The following C1QTNF3 variants were observed in gnomAD, a reference collection of about 807,000 sequenced individuals.
C1QTNF3 encodes C1q and TNF related 3, also known as complement C1q tumor necrosis factor-related protein 3.
In C1QTNF3, 26 loss-of-function variants were observed where a neutral mutation model predicts 32.6. The ratio of observed to expected loss-of-function variants is 0.80; its 90% CI spans 0.58 to 1.11. The LOEUF is 1.11. Among genes scored for constraint, C1QTNF3 ranks in the 50% least tolerant of loss-of-function variants. C1QTNF3 has a pLI of 0.00. For synonymous variants in C1QTNF3, 155 were observed against 146.0 expected (o/e 1.06, Z -0.44); for missense variants, 362 against 398.2 (o/e 0.91, Z 0.77).
At chr5:34,202,129 A>G in the C1QTNF3 span, among the ~76,000 whole-genome samples, 1 of 152,156 alleles carries the variant, frequency 6.6e-6, no homozygotes, top group African/African-American at 2.4e-5. Context: ...TCTAAGCTGC[A>G]TTCATAAAGC....
the C1QTNF3 span, among the ~76,000 whole-genome samples, chr5:34,211,693 C>T: frequency 6.6e-6 from 1 of 151,866 alleles, no homozygotes; most frequent in Non-Finnish European, 1.5e-5. Context: ...TTTCCAATTT[C>T]ATCCATGTCC....
chr5:34,163,752 AAAT>A, the C1QTNF3 span, among the ~76,000 whole-genome samples: 1 of 152,144 alleles, frequency 6.6e-6, no homozygotes, highest in South Asian at 2.1e-4. Flanking sequence ...ATTCATTCTT[AAAT>A]ACTACCTAGT....
chr5:34,206,977 T>TAA, the C1QTNF3 span, among the ~76,000 whole-genome samples: 4 of 152,342 alleles, frequency 2.6e-5, no homozygotes, highest in African/African-American at 9.6e-5. Flanking sequence ...GTTCATGTCT[T>TAA]AAGAGTGTCC....
At chr5:34,194,933 GA>G in the C1QTNF3 span, among the ~76,000 whole-genome samples, 14 of 147,624 alleles carry the variant, frequency 9.5e-5, no homozygotes, top group Non-Finnish European at 1.6e-4. Context: ...ATAAGGACAA[GA>G]AAAAAGTCTT....
At chr5:34,238,708 A>G in the C1QTNF3 span, among the ~76,000 whole-genome samples, 1 of 152,112 alleles carries the variant, frequency 6.6e-6, no homozygotes, top group Non-Finnish European at 1.5e-5. Flanking sequence ...CAACTTGGAA[A>G]ATAGATTTGA....
At chr5:34,154,280 G>C in the C1QTNF3 span, among the ~76,000 whole-genome samples, 1 of 152,194 alleles carries the variant, frequency 6.6e-6, no homozygotes, top group South Asian at 2.1e-4. Flanking sequence ...ACTGAATCTG[G>C]GATGTACAAA....
chr5:34,175,641 C>T, the C1QTNF3 span: 3 of 529,948 alleles, frequency 5.7e-6, 1 homozygote, highest in Admixed American at 6.2e-5. Flanking sequence ...GACCTGACTC[C>T]TTTCCTACTT....
At chr5:34,034,767 T>C (rs1236482913) in intron 2 of C1QTNF3, among the ~76,000 whole-genome samples, 2 of 152,210 alleles carry the variant, frequency 1.3e-5, no homozygotes, top group African/African-American at 4.8e-5. Context: ...CCCTACATCA[T>C]TGCTCCTGCT....
At chr5:34,241,980 G>A in the C1QTNF3 span, among the ~76,000 whole-genome samples, 1 of 147,652 alleles carries the variant, frequency 6.8e-6, no homozygotes, top group Non-Finnish European at 1.5e-5. Flanking sequence ...AAGGAAGGAA[G>A]GAAGGAAGGA....
chr5:34,166,746 C>T, the C1QTNF3 span: 1 of 151,890 alleles, frequency 6.6e-6, no homozygotes. Context: ...TTATACTCCA[C>T]TACTGATACT....
the C1QTNF3 span, among the ~76,000 whole-genome samples, chr5:34,135,159 C>T: frequency 2.0e-5 from 3 of 152,210 alleles, no homozygotes; most frequent in East Asian, 1.9e-4. Context: ...AGGTCTTTTC[C>T]GCATCTGTTG....
chr5:34,031,818 C>CACAAA (rs376178461), intron 3 of C1QTNF3, among the ~76,000 whole-genome samples: 1 of 152,128 alleles, frequency 6.6e-6, no homozygotes, highest in Non-Finnish European at 1.5e-5. Flanking sequence ...TGCACACACA[C>CACAAA]ACAAAACAAA....
chr5:34,207,844 G>A, the C1QTNF3 span, among the ~76,000 whole-genome samples: 5 of 151,454 alleles, frequency 3.3e-5, no homozygotes, highest in Non-Finnish European at 7.4e-5. Flanking sequence ...CTGGAGTGCA[G>A]TGGCGGGATC....
chr5:34,221,090 G>C, the C1QTNF3 span, among the ~76,000 whole-genome samples: 12 of 152,192 alleles, frequency 7.9e-5, no homozygotes, highest in Middle Eastern at 3.4e-3. Flanking sequence ...TGTGTCCATA[G>C]CAAAATGTTT....
the C1QTNF3 span, among the ~76,000 whole-genome samples, chr5:34,238,665 T>G: frequency 6.6e-6 from 1 of 151,938 alleles, no homozygotes; most frequent in Non-Finnish European, 1.5e-5. Flanking sequence ...TACGACTCAT[T>G]GTCATTCCTA....
At chr5:34,029,698 G>C (rs372018234) in intron 3 of C1QTNF3, among the ~76,000 whole-genome samples, 2 of 152,210 alleles carry the variant, frequency 1.3e-5, no homozygotes, top group East Asian at 1.9e-4. Flanking sequence ...CTTGGTAGAA[G>C]TTTCATGGGA....
intron 4 of C1QTNF3, among the ~76,000 whole-genome samples, chr5:34,025,740 T>G (rs1396641661): frequency 6.6e-6 from 1 of 152,202 alleles, no homozygotes; most frequent in Non-Finnish European, 1.5e-5. Flanking sequence ...AAATCCTTAC[T>G]TAGGCTTCAA....
chr5:34,226,119 A>C, the C1QTNF3 span, among the ~76,000 whole-genome samples: 54 of 138,124 alleles, frequency 3.9e-4, no homozygotes, highest in East Asian at 1.1e-3. Flanking sequence ...AATCCGGGCC[A>C]CAAGTTCAGA....
chr5:34,111,407 CA>C, the C1QTNF3 span, among the ~76,000 whole-genome samples: 1 of 151,884 alleles, frequency 6.6e-6, no homozygotes, highest in Non-Finnish European at 1.5e-5. Context: ...AAACAGCTAA[CA>C]CATGGTAACA....
Sources: gnomAD v4.1 joint callset for allele counts (sites outside exome capture counted in the v4.1 genomes callset) on GRCh38, gnomAD v4.1.1 for gene constraint, MANE v1.5 for transcripts, NCBI Gene and HGNC (gene_info 2026-07-23, HGNC 2026-07-21) for gene names.